Variants in TUSC3 observed in about 807,000 individuals in gnomAD.
TUSC3 encodes the protein tumor suppressor candidate 3.
Under a neutral mutation model 44.8 loss-of-function variants are expected in TUSC3, and 45 were observed. The observed-to-expected ratio is 1.00, with a 90% confidence interval of 0.79 to 1.29. The LOEUF (loss-of-function observed/expected upper bound fraction) is 1.29, where lower values mean the gene tolerates loss of function less well. TUSC3 is among the 50% of genes most tolerant of loss of function. The probability of loss-of-function intolerance (pLI) is 0.00; values close to 1 mark genes in which losing one functional copy is unlikely to be tolerated. For missense variants in TUSC3, 519 were observed against 437.9 expected, an observed-to-expected ratio of 1.19 and a Z score of -1.65; for synonymous variants, 212 against 152.9, an observed-to-expected ratio of 1.39 and a Z score of -2.85.
At chr8:15,713,894 A>T (rs945291106) in intron 6 of TUSC3, among the ~76,000 whole-genome samples, 1 of 152,166 alleles carries the variant, frequency 6.6e-6, no homozygotes, top group Non-Finnish European at 1.5e-5. Context: ...ACATTTGTTA[A>T]ACATATTTCT....
chr8:15,431,310 C>G (rs1278902855), intron 1 of TUSC3, among the ~76,000 whole-genome samples: 1 of 149,174 alleles, frequency 6.7e-6, no homozygotes, highest in Non-Finnish European at 1.5e-5. Context: ...CTATATTCTT[C>G]CAATCCATGA....
Position 15,526,279 on chromosome 8 carries a change from C to T in TUSC3, n.189+42796C>T, listed in dbSNP as rs188797200. Among the ~76,000 whole-genome samples, 27 of 152,158 alleles carry T rather than the reference C, an allele frequency of 1.8e-4. 1 individual carries two copies. The East Asian group carries it at 3.7e-3, about 21-fold the overall frequency. The stretch of plus-strand genomic sequence containing the variant: ...CGATCTCCTGACCTCGTGATCTGCC[C>T]GCCTCGGCCTCCCAAAGTGCTGGAT... On this transcript the variant is annotated intron_variant and non_coding_transcript_variant, in intron 2 of 5. Coordinates refer to the TUSC3 transcript ENST00000503191.
At chr8:15,518,443 CTG>C (rs762954674) in intron 2 of TUSC3, among the ~76,000 whole-genome samples, 2 of 152,060 alleles carry the variant, frequency 1.3e-5, no homozygotes, top group Non-Finnish European at 1.5e-5. Context: ...CTTCTCAAAT[CTG>C]TATTTCTTCT....
chr8:15,712,038 C>T (rs1809873891), intron 6 of TUSC3, among the ~76,000 whole-genome samples: 1 of 151,846 alleles, frequency 6.6e-6, no homozygotes, highest in Non-Finnish European at 1.5e-5. Flanking sequence ...TACTAAATTG[C>T]TGTGCACAGT....
rs550070343 is a variant in TUSC3 at position 15,460,826 on chromosome 8, TC to T, written n.92-22559del. 3.0e-3 allele frequency among the ~76,000 whole-genome samples: 462 copies of T among 152,298 alleles called. 2 individuals are homozygous for T. The highest frequency in any genetic ancestry group is 0.011 in the African/African-American group (443 of 41,576). On this transcript the variant is annotated intron_variant and non_coding_transcript_variant, in intron 1 of 5. Coordinates refer to the TUSC3 transcript ENST00000503191. ...TTGTTTTTGTTTGCTTTGTCAAAGA[TC>T]AGTTGGCTGTAAGTATTTGGGTTTA...
chr8:15,669,119 C>T (rs1028131477), intron 5 of TUSC3, among the ~76,000 whole-genome samples: 1 of 151,718 alleles, frequency 6.6e-6, no homozygotes, highest in African/African-American at 2.4e-5. Flanking sequence ...GTACATTCCC[C>T]AATTAGATTA....
At chr8:15,563,350 A>G (rs2129140780) in intron 1 of TUSC3, among the ~76,000 whole-genome samples, 1 of 152,178 alleles carries the variant, frequency 6.6e-6, no homozygotes, top group Non-Finnish European at 1.5e-5. Context: ...TACTGTTTGC[A>G]TGGTGATGTT....
At chr8:15,595,702 A>T (rs1804039660) in intron 1 of TUSC3, among the ~76,000 whole-genome samples, 1 of 152,166 alleles carries the variant, frequency 6.6e-6, no homozygotes, top group African/African-American at 2.4e-5. Context: ...AAATGGGAGG[A>T]AGTCATTTTT....
chr8:15,419,099 C>G (rs1485262325), intron 1 of TUSC3, among the ~76,000 whole-genome samples: 5 of 152,190 alleles, frequency 3.3e-5, no homozygotes, highest in Non-Finnish European at 7.3e-5. Flanking sequence ...TTCCCTCTCT[C>G]CAAGTAACCC....
chr8:15,568,780 A>G (rs1018882944), intron 1 of TUSC3, among the ~76,000 whole-genome samples: 3 of 152,056 alleles, frequency 2.0e-5, no homozygotes, highest in African/African-American at 7.2e-5. Context: ...TTTTGTAAAA[A>G]AAAAATGTAA....
chr8:15,532,446 C>T (rs1180878818), intron 2 of TUSC3, among the ~76,000 whole-genome samples: 1 of 152,070 alleles, frequency 6.6e-6, no homozygotes, highest in Non-Finnish European at 1.5e-5. Flanking sequence ...AAGATAAGCC[C>T]TGGAAAGACC....
chr8:15,750,383 C>G (rs1394645903), intron 9 of TUSC3, among the ~76,000 whole-genome samples: 1 of 151,974 alleles, frequency 6.6e-6, no homozygotes, highest in East Asian at 2.0e-4. Context: ...AAATATCATT[C>G]CCTATCTAGA....
At chr8:15,476,670 G>A (rs1209858203) in intron 1 of TUSC3, among the ~76,000 whole-genome samples, 1 of 152,194 alleles carries the variant, frequency 6.6e-6, no homozygotes. Context: ...CAAAAGCAGA[G>A]ATTTATTGAA....
At chr8:15,692,113 G>A (rs1263832346) in intron 6 of TUSC3, among the ~76,000 whole-genome samples, 1 of 152,014 alleles carries the variant, frequency 6.6e-6, no homozygotes, top group African/African-American at 2.4e-5. Flanking sequence ...CTGTTATGTT[G>A]TGCATCACAT....
At chr8:15,561,518 G>C (rs191184842) in intron 1 of TUSC3, 1 of 149,102 alleles carries the variant, frequency 6.7e-6, no homozygotes, top group African/African-American at 2.5e-5. Flanking sequence ...TCCTTGAGCT[G>C]TGGTGGGCTC....
intron 1 of TUSC3, among the ~76,000 whole-genome samples, chr8:15,443,114 T>C (rs1202961863): frequency 6.6e-6 from 1 of 152,130 alleles, no homozygotes; most frequent in Non-Finnish European, 1.5e-5. Context: ...TCCCCTACTG[T>C]AGTAGTTTAA....
At chr8:15,629,318 A>G (rs901660096) in intron 2 of TUSC3, among the ~76,000 whole-genome samples, 6 of 152,028 alleles carry the variant, frequency 3.9e-5, no homozygotes, top group African/African-American at 1.4e-4. Context: ...TGTGGTAGAG[A>G]AGTGGTCTTG....
intron 1 of TUSC3, among the ~76,000 whole-genome samples, chr8:15,546,524 G>A (rs1272336590): frequency 1.3e-5 from 2 of 151,598 alleles, no homozygotes; most frequent in African/African-American, 4.8e-5. Flanking sequence ...ATGTTATTCA[G>A]AAGAATAATT....
chr8:15,723,581 A>G (rs1043643314), intron 6 of TUSC3, among the ~76,000 whole-genome samples: 3 of 152,234 alleles, frequency 2.0e-5, no homozygotes, highest in South Asian at 2.1e-4. Flanking sequence ...TTTATCATCT[A>G]TATCACATCT....
Sources: gnomAD v4.1 joint callset for allele counts (sites outside exome capture counted in the v4.1 genomes callset) on GRCh38, gnomAD v4.1.1 for gene constraint, MANE v1.5 for transcripts, NCBI Gene and HGNC (gene_info 2026-07-23, HGNC 2026-07-21) for gene names.